Variants in ADAMTSL1 observed in about 807,000 individuals in gnomAD.
The protein encoded by ADAMTSL1 is ADAMTS-like protein 1.
Under a neutral mutation model 201.8 loss-of-function variants are expected in ADAMTSL1, and 126 were observed. The observed-to-expected ratio is 0.62, with a 90% CI of 0.54 to 0.72. The LOEUF is 0.72. ADAMTSL1 is among the 30% of genes least tolerant of loss of function. The pLI, the probability that ADAMTSL1 is intolerant of heterozygous loss-of-function variation, is 0.00. For missense variants in ADAMTSL1, 2,679 were observed against 2,277.8 expected (o/e 1.18, Z -3.59); for synonymous variants, 1,121 against 903.4 (o/e 1.24, Z -4.32).
intron 2 of ADAMTSL1, among the ~76,000 whole-genome samples, chr9:18,377,163 T>C (rs1837332130): frequency 6.6e-6 from 1 of 152,158 alleles, no homozygotes; most frequent in Non-Finnish European, 1.5e-5. Flanking sequence ...ATTATATGGG[T>C]TCAAGCCCTC....
chr9:18,311,539 A>G (rs1055721464), intron 2 of ADAMTSL1, among the ~76,000 whole-genome samples: 1 of 152,044 alleles, frequency 6.6e-6, no homozygotes. Flanking sequence ...TTCAATGTTG[A>G]TCTGTACTGT....
intron 1 of ADAMTSL1, among the ~76,000 whole-genome samples, chr9:17,992,686 C>T (rs1375023260): frequency 6.6e-6 from 1 of 152,136 alleles, no homozygotes; most frequent in Non-Finnish European, 1.5e-5. Context: ...CATGATCACA[C>T]CACTGCACTG....
At chr9:17,918,247 T>C (rs1372584796) in intron 1 of ADAMTSL1, among the ~76,000 whole-genome samples, 1 of 151,814 alleles carries the variant, frequency 6.6e-6, no homozygotes, top group African/African-American at 2.4e-5. Context: ...GTCATTGATA[T>C]AAGGTATTTT....
At chr9:18,375,907 A>T (rs561194774) in intron 2 of ADAMTSL1, among the ~76,000 whole-genome samples, 1 of 152,246 alleles carries the variant, frequency 6.6e-6, no homozygotes, top group East Asian at 1.9e-4. Flanking sequence ...CAGAGTGCTG[A>T]TTGGTGTGTT....
At chr9:18,564,137 T>G (rs1026421854) in intron 3 of ADAMTSL1, among the ~76,000 whole-genome samples, 1 of 152,174 alleles carries the variant, frequency 6.6e-6, no homozygotes, top group African/African-American at 2.4e-5. Flanking sequence ...TGGGCCCTGG[T>G]TGCGTGGGCA....
intron 1 of ADAMTSL1, among the ~76,000 whole-genome samples, chr9:18,131,754 T>C (rs1825962988): frequency 6.6e-6 from 1 of 152,052 alleles, no homozygotes; most frequent in African/African-American, 2.4e-5. Flanking sequence ...GACTCCCGAA[T>C]AAAACAGTGA....
At chr9:18,134,679 A>C (rs1225516043) in intron 1 of ADAMTSL1, among the ~76,000 whole-genome samples, 1 of 152,188 alleles carries the variant, frequency 6.6e-6, no homozygotes, top group African/African-American at 2.4e-5. Flanking sequence ...TTCTTTCTTT[A>C]AAGTAAACAG....
rs1274325506 is a variant in ADAMTSL1, at chr9:18,829,963, A to G, written c.4235A>G (p.Asn1412Ser). The change falls in exon 23 of 29, where the codon AAT becomes AGT. Residue 1412 changes from asparagine (N) to serine (S), a missense_variant. Coordinates refer to ENST00000380548, the MANE Select transcript of ADAMTSL1 (RefSeq NM_001040272.6). Reference protein sequence around the residue: ...LGTQLVLDPGNSALLGCPIKG... With the variant: ...LGTQLVLDPGSSALLGCPIKG... ...ACACAGCTGGTCCTGGATCCTGGGAATTCTGCTCTCCTTGGTGAGTCTAAC... is the reference window on the plus strand; with the variant it reads ...ACACAGCTGGTCCTGGATCCTGGGAGTTCTGCTCTCCTTGGTGAGTCTAAC... 3 of 1,611,710 alleles carry G rather than the reference A, an allele frequency of 1.9e-6. No homozygotes were observed. Among genetic ancestry groups the G allele is most frequent in the Non-Finnish European group, 2.5e-6 (3 of 1,179,038 alleles).
chr9:18,807,645 C>CAAAAAAAAA (rs1179713904), intron 20 of ADAMTSL1, among the ~76,000 whole-genome samples: 1 of 68,578 alleles, frequency 1.5e-5, no homozygotes, highest in Non-Finnish European at 3.1e-5. Context: ...GACTCTGTCT[C>CAAAAAAAAA]AAAAAAAAAA....
intron 2 of ADAMTSL1, among the ~76,000 whole-genome samples, chr9:18,523,601 C>A (rs1166457375): frequency 3.3e-5 from 5 of 151,498 alleles, no homozygotes; most frequent in African/African-American, 1.2e-4. Flanking sequence ...TTTAATCCAT[C>A]TTGAATTAAT....
intron 1 of ADAMTSL1, among the ~76,000 whole-genome samples, chr9:17,936,124 T>G (rs1476658312): frequency 1.3e-5 from 2 of 152,216 alleles, no homozygotes; most frequent in African/African-American, 4.8e-5. Context: ...CTCTCATTTC[T>G]GCTCCCCTGA....
rs1365517415 is a variant in ADAMTSL1, at chr9:17,910,941, CAA to C, written c.87+4020_87+4021del. On this transcript the variant is annotated intron_variant, in intron 1 of 29. Coordinates refer to the ADAMTSL1 transcript ENST00000680146. ...CAAGCTGTTTTTGAATCAAAACACT[CAA>C]TACATGAAGGTATAACAAACAGACC... Among the ~76,000 whole-genome samples, 55 of 68,684 alleles carry C rather than the reference CAA, an allele frequency of 8.0e-4. 14 individuals carry two copies. The highest frequency in any genetic ancestry group is 1.4e-3 in the African/African-American group (48 of 34,144). 45.1% of individuals were successfully genotyped at this position (68,684 alleles called of 152,430 possible).
chr9:18,354,939 C>G (rs1249521608), intron 2 of ADAMTSL1, among the ~76,000 whole-genome samples: 1 of 152,128 alleles, frequency 6.6e-6, no homozygotes, highest in Non-Finnish European at 1.5e-5. Context: ...CCAATGCACT[C>G]CAGCCTGGGC....
chr9:18,689,541 A>T (rs1468534674), intron 13 of ADAMTSL1, among the ~76,000 whole-genome samples: 1 of 152,174 alleles, frequency 6.6e-6, no homozygotes, highest in East Asian at 1.9e-4. Flanking sequence ...AAAAAGAAAA[A>T]AGAAAAAAAG....
chr9:18,852,333 C>T (rs777599140), intron 23 of ADAMTSL1, among the ~76,000 whole-genome samples: 11 of 152,202 alleles, frequency 7.2e-5, no homozygotes, highest in Non-Finnish European at 1.5e-4. Flanking sequence ...ATATGTAAAG[C>T]ACTTAGAATG....
intron 2 of ADAMTSL1, among the ~76,000 whole-genome samples, chr9:18,173,198 G>T (rs902400012): frequency 2.0e-4 from 30 of 152,210 alleles, no homozygotes; most frequent in African/African-American, 7.2e-4. Context: ...GATAATATCT[G>T]GCAAATAGAA....
chr9:18,468,984 T>C (rs1821106914), intron 2 of ADAMTSL1, among the ~76,000 whole-genome samples: 1 of 152,160 alleles, frequency 6.6e-6, no homozygotes, highest in African/African-American at 2.4e-5. Flanking sequence ...GAATCTAAAA[T>C]CATATTTTTT....
intron 1 of ADAMTSL1, among the ~76,000 whole-genome samples, chr9:17,928,425 C>T (rs1327937830): frequency 1.3e-5 from 2 of 152,118 alleles, no homozygotes; most frequent in Non-Finnish European, 2.9e-5. Flanking sequence ...GGAAATCAGC[C>T]AATGGTTAAA....
At chr9:18,095,684 A>G (rs1824220553) in intron 1 of ADAMTSL1, among the ~76,000 whole-genome samples, 1 of 152,078 alleles carries the variant, frequency 6.6e-6, no homozygotes, top group Admixed American at 6.5e-5. Flanking sequence ...TCAGCCTCCC[A>G]AAGTGCTGGG....
Sources: allele counts gnomAD v4.1 joint callset (sites outside exome capture counted in the v4.1 genomes callset), GRCh38; gene constraint gnomAD v4.1.1; transcripts MANE v1.5; gene names NCBI Gene and HGNC (gene_info 2026-07-23, HGNC 2026-07-21).